DHX8: variants seen among roughly 807,000 people sequenced by gnomAD.
The protein encoded by DHX8 is DEAH-box helicase 8, also known as ATP-dependent RNA helicase DHX8.
A neutral mutation model predicts 140.7 loss-of-function variants in DHX8; 67 were observed. The ratio of observed to expected loss-of-function variants is 0.48; its 90% CI spans 0.39 to 0.58. DHX8 has a LOEUF of 0.58. Among genes scored for constraint, DHX8 ranks in the 20% least tolerant of loss-of-function variants. The probability of loss-of-function intolerance (pLI) is 0.00; values close to 1 mark genes in which losing one functional copy is unlikely to be tolerated. For missense variants in DHX8, 887 were observed against 1,550.7 expected, an observed-to-expected ratio of 0.57 and a Z score of 7.19; for synonymous variants, 533 against 553.2, an observed-to-expected ratio of 0.96 and a Z score of 0.51.
At chr17:43,502,461 G>A (rs1969251164) in intron 11 of DHX8, among the ~76,000 whole-genome samples, 1 of 152,138 alleles carries the variant, frequency 6.6e-6, no homozygotes, top group Non-Finnish European at 1.5e-5. Flanking sequence ...GTCTCACTAT[G>A]TTGCCCCAGC....
At chr17:43,526,894 G>A (rs116868383), downstream of DHX8, 211 of 294,120 alleles carry the variant, frequency 7.2e-4, 2 homozygotes, top group East Asian at 0.016. Context: ...GGTAGTAGTC[G>A]AGGGGCATCC....
chr17:43,492,752 G>C lies in DHX8; in HGVS notation c.575G>C (p.Arg192Pro). ...RNRDRDRDRE[R>P]NRDRDHKRRH... is the part of the protein sequence containing the mutation. Reference sequence around the variant, plus strand: ...CGAGATCGAGACAGAGATAGGGAACGAAACCGAGATAGAGACCACAAGCGG... The same window carrying C: ...CGAGATCGAGACAGAGATAGGGAACCAAACCGAGATAGAGACCACAAGCGG... Residue 192 changes from arginine (R) to proline (P), a missense_variant, in exon 6 of 23, where the codon CGA (arginine) becomes CCA (proline). This residue lies in a region of DHX8 where 304 missense variants were observed against 306.9 expected (regional missense o/e 0.99). Coordinates refer to ENST00000262415, the MANE Select transcript of DHX8 (RefSeq NM_004941.3). 3 of 1,614,020 alleles carry C rather than the reference G, an allele frequency of 1.9e-6. No individual in the cohort carries two copies. The highest frequency in any genetic ancestry group is 2.5e-6 in the Non-Finnish European group (3 of 1,179,912).
Position 43,525,194 on chromosome 17 carries a change from C to T in DHX8, c.*1347C>T, listed in dbSNP as rs1460141721. 2.0e-6 allele frequency: 2 copies of T among 985,338 alleles called. No individual in the cohort carries two copies. The highest frequency in any genetic ancestry group is 2.4e-6 in the Non-Finnish European group (2 of 829,952). The allele number at this position is 985,338 out of a possible 1,614,324, so 61.0% of individuals were successfully genotyped here. On this transcript the variant is annotated 3_prime_UTR_variant, in exon 23 of 23. Coordinates refer to ENST00000262415, the MANE Select transcript of DHX8 (RefSeq NM_004941.3). ...TCTGGATGTAGTGCTTGTAGAGAAGCTTCTGAGAGATTGGGCACATCCTGT... is the reference window on the plus strand; with the variant it reads ...TCTGGATGTAGTGCTTGTAGAGAAGTTTCTGAGAGATTGGGCACATCCTGT...
chr17:43,517,423 A>C, intron 18 of DHX8, 101 bp downstream of exon 18: 1 of 1,351,150 alleles, frequency 7.4e-7, no homozygotes, highest in Non-Finnish European at 1.0e-6. Context: ...TACTTTAGTA[A>C]CCTCATGAAA....
chr17:43,520,111 T>G lies in DHX8; in HGVS notation c.2800-19T>G, dbSNP rs772751781. ...TAGACTGACCCTCTTATCACATGCCTTCTTCCTTTCTGTTCTAGGCCATGG... is the reference window on the plus strand; with the variant it reads ...TAGACTGACCCTCTTATCACATGCCGTCTTCCTTTCTGTTCTAGGCCATGG... On this transcript the variant is annotated intron_variant, in intron 18 of 22. Coordinates refer to ENST00000262415, the MANE Select transcript of DHX8 (RefSeq NM_004941.3). 6.2e-7 allele frequency: 1 copy of G among 1,613,968 alleles called. No homozygotes were observed.
Position 43,492,912 on chromosome 17 carries a change from T to G in DHX8, c.735T>G (p.Asn245Lys). Residue 245 changes from asparagine to lysine, a missense_variant, in exon 6 of 23, where the codon AAT becomes AAG. Physicochemically the swap from Asn to Lys is moderately conservative, Grantham distance 94. Coordinates refer to ENST00000262415, the MANE Select transcript of DHX8 (RefSeq NM_004941.3). ...RKDRDKYGER[N>K]LDRWRDKHVD... ...ACCGGGACAAATATGGAGAGCGGAA[T>G]CTGGATAGATGGCGGGATAAGCATG... 2 of 1,614,182 alleles carry G rather than the reference T, an allele frequency of 1.2e-6. No homozygotes were observed. Among genetic ancestry groups the G allele is most frequent in the Non-Finnish European group, 1.7e-6 (2 of 1,180,038 alleles).
In DHX8 at chr17:43,507,114, G is replaced by A. The variant is rs2154586642; in HGVS notation, c.1840G>A (p.Gly614Arg). The A allele has an allele frequency of 6.2e-7, 1 of 1,614,118 alleles. No homozygotes were observed. The highest frequency in any genetic ancestry group is 8.5e-7 in the Non-Finnish European group (1 of 1,180,040). ...EAGYTSRGKI[G>R]CTQPRRVAAM... ...AGGCTACACTTCCAGGGGCAAGATTGGGTGTACCCAGCCCAGAAGAGTGGC... is the reference window on the plus strand; with the variant it reads ...AGGCTACACTTCCAGGGGCAAGATTAGGTGTACCCAGCCCAGAAGAGTGGC... The change falls in exon 13 of 23, where the codon GGG (glycine) becomes AGG (arginine). Residue 614 changes from glycine (G) to arginine (R), a missense_variant. By Grantham distance (125) the Gly-to-Arg change is moderately radical. Around this residue, in one of 9 missense-constraint regions of DHX8, gnomAD observed 178 missense variants for 398.5 expected, o/e 0.45. Transcript: ENST00000262415.
intron 16 of DHX8, among the ~76,000 whole-genome samples, chr17:43,512,537 G>A (rs1280888536): frequency 6.6e-6 from 1 of 152,162 alleles, no homozygotes; most frequent in East Asian, 1.9e-4. Flanking sequence ...GATGGAAGAT[G>A]GCACTGAGGA....
intron 17 of DHX8, among the ~76,000 whole-genome samples, chr17:43,513,957 C>T (rs1969982164): frequency 1.3e-5 from 2 of 152,010 alleles, no homozygotes. Context: ...AGATGATCCA[C>T]CCGTCTTGGC....
chr17:43,526,390 C>T (rs1970617874), downstream of DHX8: 3 of 1,507,704 alleles, frequency 2.0e-6, no homozygotes, highest in Non-Finnish European at 8.8e-7. Flanking sequence ...ATGGCAGGAC[C>T]GTCCCTATGG....
chr17:43,523,634 G>A lies in DHX8; in HGVS notation c.3450G>A (p.Val1150=), dbSNP rs151036631. 7.4e-6 allele frequency: 12 copies of A among 1,614,018 alleles called. No individual in the cohort carries two copies. The highest frequency in any genetic ancestry group is 5.3e-5 in the African/African-American group (4 of 74,926). ...ALFNRQPEWV[V]YHELVLTTKE... is the part of the protein sequence containing the mutation. ...TATCTCTGTCCCCCCTCAGGGTGGT[G>A]TACCATGAGCTGGTGCTCACCACCA... The change falls in exon 23 of 23, where the codon GTG becomes GTA. Residue 1150 remains valine, a synonymous_variant. Transcript: ENST00000262415.
chr17:43,526,766 G>C (rs551501816), downstream of DHX8: 571 of 1,191,872 alleles, frequency 4.8e-4, no homozygotes, highest in Non-Finnish European at 5.4e-4. Context: ...GCTTTAATGT[G>C]GAATTAAATT....
In DHX8 at chr17:43,493,739, CGGG is replaced by C; in HGVS notation, c.1067_1069del (p.Gly356del). The C allele has an allele frequency of 6.2e-7, 1 of 1,614,156 alleles. No homozygotes were observed. ...ACCCAAATAGACGGCGAAATCTTGT[CGGG>C]GAGACCAATGAGGAGACCTCAATGC... On this transcript the variant is annotated inframe_deletion, in exon 8 of 23. Coordinates refer to ENST00000262415, the MANE Select transcript of DHX8 (RefSeq NM_004941.3).
chr17:43,499,830 T>C (rs540864778), intron 10 of DHX8, 126 bp from the exon 11 acceptor site: 5 of 1,010,042 alleles, frequency 5.0e-6, no homozygotes, highest in African/African-American at 3.2e-5. Context: ...TTCTTTCATA[T>C]AGTCTGTTAC....
At chr17:43,511,456 A>ATTTGTTTTTTTTTTTTTTTT (rs1969822249) in intron 16 of DHX8, among the ~76,000 whole-genome samples, 1 of 56,788 alleles carries the variant, frequency 1.8e-5, no homozygotes, top group Non-Finnish European at 2.9e-5. Flanking sequence ...TGATCCCAGC[A>ATTTGTTTTTTTTTTTTTTTT]TTTTTTTTTT....
In DHX8 at chr17:43,524,162, G is replaced by T; in HGVS notation, c.*315G>T. On this transcript the variant is annotated 3_prime_UTR_variant, in exon 23 of 23. Transcript: ENST00000262415. ...GCTCCAGGATGGGAAGGTGGAGTGG[G>T]TGAGCATCTTGTGCAGGGACATGGT... 2 of 1,219,344 alleles carry T rather than the reference G, an allele frequency of 1.6e-6. No homozygotes were observed. The highest frequency in any genetic ancestry group is 2.1e-6 in the Non-Finnish European group (2 of 966,740). 75.5% of individuals were successfully genotyped at this position (1,219,344 alleles called of 1,614,324 possible). A position where few individuals can be genotyped will look rare whatever the true frequency, so the allele number is the denominator to read the frequency against.
chr17:43,544,513 A>G (rs1057399148), downstream of DHX8: 1 of 157,954 alleles, frequency 6.3e-6, no homozygotes, highest in Non-Finnish European at 1.4e-5. Context: ...GGGGGTTGGG[A>G]AGAAGAGAAA....
At chr17:43,529,285 A>G (rs200257539), downstream of DHX8, 52 of 1,578,998 alleles carry the variant, frequency 3.3e-5, no homozygotes, top group Middle Eastern at 1.7e-4. Flanking sequence ...GGCAGAGGAA[A>G]AAATGGGGGT....
At chr17:43,485,024 G>T (rs1968053942) in intron 1 of DHX8, among the ~76,000 whole-genome samples, 1 of 152,208 alleles carries the variant, frequency 6.6e-6, no homozygotes, top group Admixed American at 6.5e-5. Flanking sequence ...GAAAAGGCTA[G>T]GGTCCTAAAG....
Sources: allele counts gnomAD v4.1 joint callset (sites outside exome capture counted in the v4.1 genomes callset), GRCh38; gene constraint gnomAD v4.1.1; regional missense constraint gnomAD v4.1.1; transcripts MANE v1.5; gene names NCBI Gene and HGNC (gene_info 2026-07-23, HGNC 2026-07-21).